Variants in PALM2AKAP2 observed in about 807,000 individuals in gnomAD.
PALM2AKAP2 encodes PALM2-AKAP2 fusion protein.
A neutral mutation model predicts 71.5 loss-of-function variants in PALM2AKAP2; 37 were observed. That is an observed-to-expected ratio of 0.52 (90% CI 0.40 to 0.68). The LOEUF is 0.68. Among genes scored for constraint, PALM2AKAP2 ranks in the 30% least tolerant of loss-of-function variants. The probability of loss-of-function intolerance (pLI) is 0.00; values close to 1 mark genes in which losing one functional copy is unlikely to be tolerated. For synonymous variants in PALM2AKAP2, 468 were observed against 478.8 expected, an observed-to-expected ratio of 0.98 and a Z score of 0.29; for missense variants, 1,224 against 1,191.8, an observed-to-expected ratio of 1.03 and a Z score of -0.40.
exon 3 of PALM2AKAP2, chr9:109,880,603 C>G (rs1829823742): frequency 1.2e-6 from 2 of 1,613,728 alleles, no homozygotes; most frequent in South Asian, 1.1e-5. Flanking sequence ...GCTGGAACTG[C>G]CGAAGAGGAG....
chr9:110,006,362 CTT>C (rs555274947), intron 6 of PALM2AKAP2, among the ~76,000 whole-genome samples: 1 of 130,556 alleles, frequency 7.7e-6, no homozygotes, highest in Non-Finnish European at 1.6e-5. Flanking sequence ...TTCTTTCTTT[CTT>C]TCTTTCTTCT....
exon 4 of PALM2AKAP2, chr9:110,168,531 T>C: frequency 6.2e-7 from 1 of 1,601,934 alleles, no homozygotes; most frequent in East Asian, 2.2e-5. Context: ...CTTTGGTGCT[T>C]GGGAGACCAA....
chr9:110,079,371 C>T (rs1834392777), intron 1 of PALM2AKAP2, among the ~76,000 whole-genome samples: 1 of 152,132 alleles, frequency 6.6e-6, no homozygotes, highest in Non-Finnish European at 1.5e-5. Flanking sequence ...CGGTGCATGC[C>T]TGTAATCCCA....
intron 1 of PALM2AKAP2, among the ~76,000 whole-genome samples, chr9:110,111,224 T>C (rs531570257): frequency 6.6e-6 from 1 of 151,110 alleles, no homozygotes; most frequent in Admixed American, 6.6e-5. Flanking sequence ...CGTGAATAGC[T>C]GGGGTCACAG....
At chr9:109,692,087 T>A (rs1827906599) in intron 1 of PALM2AKAP2, among the ~76,000 whole-genome samples, 1 of 150,708 alleles carries the variant, frequency 6.6e-6, no homozygotes, top group Non-Finnish European at 1.5e-5. Flanking sequence ...TTTTAAAAAA[T>A]TTTTAAATTG....
At chr9:109,969,583 T>C (rs986658075) in intron 6 of PALM2AKAP2, among the ~76,000 whole-genome samples, 3 of 152,248 alleles carry the variant, frequency 2.0e-5, no homozygotes, top group Non-Finnish European at 4.4e-5. Context: ...CATGCTCATC[T>C]TGGGGAAGGC....
chr9:109,751,769 T>G (rs1226395388), intron 1 of PALM2AKAP2, among the ~76,000 whole-genome samples: 1 of 152,142 alleles, frequency 6.6e-6, no homozygotes, highest in East Asian at 1.9e-4. Context: ...CCCAAAGCTT[T>G]TATTTCTAAG....
intron 1 of PALM2AKAP2, among the ~76,000 whole-genome samples, chr9:109,823,063 C>T (rs552627362): frequency 3.3e-5 from 5 of 152,286 alleles, no homozygotes; most frequent in African/African-American, 9.6e-5. Flanking sequence ...GTCACCAGCC[C>T]AGCCACATCA....
chr9:109,697,724 C>G (rs562591890), intron 1 of PALM2AKAP2, among the ~76,000 whole-genome samples: 1 of 152,148 alleles, frequency 6.6e-6, no homozygotes, highest in Non-Finnish European at 1.5e-5. Context: ...ATCTCATTAT[C>G]TATATCTTAA....
intron 1 of PALM2AKAP2, among the ~76,000 whole-genome samples, chr9:109,736,471 A>G (rs1430506879): frequency 6.6e-6 from 1 of 152,222 alleles, no homozygotes; most frequent in Non-Finnish European, 1.5e-5. Context: ...TAGTCTAAGC[A>G]AGATTAGTTA....
intron 6 of PALM2AKAP2, among the ~76,000 whole-genome samples, chr9:109,991,116 G>A (rs1445083311): frequency 6.6e-6 from 1 of 152,116 alleles, no homozygotes; most frequent in Non-Finnish European, 1.5e-5. Context: ...TGCCTCCCTG[G>A]TTGGGAAGGG....
At chr9:110,060,845 C>G (rs1329948793) in intron 1 of PALM2AKAP2, among the ~76,000 whole-genome samples, 1 of 152,124 alleles carries the variant, frequency 6.6e-6, no homozygotes, top group Non-Finnish European at 1.5e-5. Flanking sequence ...TGTGATCCAC[C>G]CGCCTCAGCC....
At chr9:109,720,503 T>C (rs1223014026) in intron 1 of PALM2AKAP2, among the ~76,000 whole-genome samples, 1 of 152,054 alleles carries the variant, frequency 6.6e-6, no homozygotes, top group Non-Finnish European at 1.5e-5. Context: ...TGGAAGTCAT[T>C]AGCCTATATA....
chr9:109,666,742 A>G (rs182457418), intron 1 of PALM2AKAP2, among the ~76,000 whole-genome samples: 72 of 152,324 alleles, frequency 4.7e-4, no homozygotes, highest in African/African-American at 1.5e-3. Flanking sequence ...AAGGCTCCCA[A>G]TGAATAACCA....
rs1311778556 is a variant in PALM2AKAP2, at chr9:109,889,218, T to G, written c.257+8537T>G. Among the ~76,000 whole-genome samples the G allele has an allele frequency of 7.2e-5, 11 of 152,352 alleles. No homozygotes were observed. The East Asian group carries it at 2.1e-3, about 29-fold the overall frequency. ...AAAAAGAAATAGTTGCTTTTTTGGT[T>G]TTTGCATTCAGTATTGTGCTGCTTT... On this transcript the variant is annotated intron_variant, in intron 3 of 9. Transcript: ENST00000302798.
At chr9:110,071,053 A>G (rs1030205220) in intron 1 of PALM2AKAP2, among the ~76,000 whole-genome samples, 4 of 151,060 alleles carry the variant, frequency 2.6e-5, no homozygotes, top group African/African-American at 4.9e-5. Flanking sequence ...AGTCTCAGCT[A>G]TGTGGGAGGC....
intron 1 of PALM2AKAP2, among the ~76,000 whole-genome samples, chr9:109,753,429 C>A (rs541392871): frequency 1.7e-4 from 26 of 152,266 alleles, no homozygotes; most frequent in African/African-American, 3.8e-4. Flanking sequence ...CAAAAGCATA[C>A]TCGAGGAAAG....
In PALM2AKAP2 at chr9:110,028,441, A is replaced by G. The variant is rs1309664335; in HGVS notation, c.582+12402A>G. On this transcript the variant is annotated intron_variant, in intron 7 of 9. Coordinates refer to the PALM2AKAP2 transcript ENST00000302798. Reference sequence around the variant, plus strand: ...GTTGAACGTTTGCTTTGAGCTGAGTACTGTGCTACACATACACCATCTCGT... The same window carrying G: ...GTTGAACGTTTGCTTTGAGCTGAGTGCTGTGCTACACATACACCATCTCGT... 2.0e-5 allele frequency among the ~76,000 whole-genome samples: 3 copies of G among 152,332 alleles called. No homozygotes were observed. In the East Asian group the frequency reaches 5.8e-4, roughly 29 times the overall value.
chr9:109,698,083 G>T (rs1266813634), intron 1 of PALM2AKAP2, among the ~76,000 whole-genome samples: 1 of 152,142 alleles, frequency 6.6e-6, no homozygotes, highest in African/African-American at 2.4e-5. Flanking sequence ...TGATGTCAAT[G>T]CACAGTCCTG....
Sources: gnomAD v4.1 joint callset for allele counts (sites outside exome capture counted in the v4.1 genomes callset) on GRCh38, gnomAD v4.1.1 for gene constraint, MANE v1.5 for transcripts, NCBI Gene and HGNC (gene_info 2026-07-23, HGNC 2026-07-21) for gene names.